Variants in NETO1 observed in about 807,000 individuals in gnomAD.
The protein encoded by NETO1 is neuropilin and tolloid like 1.
Under a neutral mutation model 61.3 loss-of-function variants are expected in NETO1, and 26 were observed. The ratio of observed to expected loss-of-function variants is 0.42; its 90% CI spans 0.31 to 0.59. The LOEUF (loss-of-function observed/expected upper bound fraction) is 0.59, where lower values mean the gene tolerates loss of function less well. NETO1 is among the 20% of genes least tolerant of loss of function. The pLI, the probability that NETO1 is intolerant of heterozygous loss-of-function variation, is 0.12. For missense variants in NETO1, 531 were observed against 662.8 expected, an observed-to-expected ratio of 0.80 and a Z score of 2.18; for synonymous variants, 225 against 225.8, an observed-to-expected ratio of 1.00 and a Z score of 0.03.
At chr18:72,795,170 G>C (rs958229374) in intron 4 of NETO1, among the ~76,000 whole-genome samples, 8 of 152,142 alleles carry the variant, frequency 5.3e-5, no homozygotes, top group African/African-American at 1.7e-4. Flanking sequence ...AGGCAAAGTG[G>C]GGGTCTCGTT....
chr18:72,787,846 A>T (rs1315662943), intron 6 of NETO1, among the ~76,000 whole-genome samples: 3 of 152,208 alleles, frequency 2.0e-5, no homozygotes, highest in Admixed American at 6.5e-5. Flanking sequence ...GCCCAGAAAG[A>T]AAGTTATATT....
chr18:72,853,712 G>A (rs1174992931), intron 4 of NETO1, among the ~76,000 whole-genome samples: 5 of 146,744 alleles, frequency 3.4e-5, no homozygotes, highest in South Asian at 2.1e-4. Context: ...AGCCAAGATC[G>A]CACCACTGCA....
At position 72,756,047 on chromosome 18, in the gene NETO1, T is replaced by C. The variant is rs1466960178; in HGVS notation, c.969A>G (p.Glu323=). The change falls in exon 8 of 11, where the codon GAA becomes GAG. Residue 323 remains glutamate (E), a synonymous_variant. Coordinates refer to ENST00000327305, the MANE Select transcript of NETO1 (RefSeq NM_138966.5). The part of the protein sequence containing the change: ...GLQNCVYPWD[E]NHCKEKRKTS... ...ACTAATCATTACCTTTACAGTGATT[T>C]TCATCCCAAGGATACACACAGTTCT... 6.3e-7 allele frequency: 1 copy of C among 1,596,796 alleles called. No individual in the cohort carries two copies. The highest frequency in any genetic ancestry group is 1.3e-5 in the African/African-American group (1 of 74,624).
At chr18:72,766,293 C>T (rs974593765) in intron 7 of NETO1, among the ~76,000 whole-genome samples, 19 of 150,568 alleles carry the variant, frequency 1.3e-4, no homozygotes, top group Admixed American at 9.3e-4. Flanking sequence ...TGGTACTCTA[C>T]ACAAACAAAA....
chr18:72,832,436 T>A (rs541577010), intron 4 of NETO1, among the ~76,000 whole-genome samples: 9 of 152,200 alleles, frequency 5.9e-5, no homozygotes, highest in Non-Finnish European at 1.3e-4. Flanking sequence ...ACCCTTCAGA[T>A]TTTATTTACC....
chr18:72,840,860 G>A (rs1321310416), intron 4 of NETO1, among the ~76,000 whole-genome samples: 1 of 152,190 alleles, frequency 6.6e-6, no homozygotes, highest in African/African-American at 2.4e-5. Flanking sequence ...TACACACTAA[G>A]CAGAACAGGT....
chr18:72,849,296 C>T (rs1599150324), intron 4 of NETO1, among the ~76,000 whole-genome samples: 1 of 152,200 alleles, frequency 6.6e-6, no homozygotes, highest in Non-Finnish European at 1.5e-5. Context: ...TTCAACATAA[C>T]AGATATACCC....
At chr18:72,752,381 G>A (rs528316724) in intron 8 of NETO1, among the ~76,000 whole-genome samples, 1 of 152,190 alleles carries the variant, frequency 6.6e-6, no homozygotes, top group Admixed American at 6.5e-5. Context: ...AACAGGAAAT[G>A]AGAGAGGCAC....
intron 7 of NETO1, among the ~76,000 whole-genome samples, chr18:72,775,331 AT>A (rs1401465054): frequency 1.3e-5 from 2 of 152,192 alleles, no homozygotes; most frequent in South Asian, 4.1e-4. Flanking sequence ...CGTCTGCTGA[AT>A]TTTTTAGTAA....
At chr18:72,835,331 G>A (rs1250461682) in intron 4 of NETO1, 1 of 1,595,258 alleles carries the variant, frequency 6.3e-7, no homozygotes, top group Admixed American at 1.7e-5. Flanking sequence ...TGGAGGCAAA[G>A]AGGTAATTAA....
At chr18:72,795,061 G>A (rs765944335) in intron 4 of NETO1, among the ~76,000 whole-genome samples, 5 of 152,082 alleles carry the variant, frequency 3.3e-5, no homozygotes, top group Non-Finnish European at 5.9e-5. Context: ...TGTCTTCCTC[G>A]CAGTCAAGCC....
chr18:72,803,737 C>T (rs2072582854), intron 4 of NETO1, among the ~76,000 whole-genome samples: 1 of 151,778 alleles, frequency 6.6e-6, no homozygotes, highest in African/African-American at 2.4e-5. Flanking sequence ...AGGATAATTG[C>T]TTGAACCCGG....
chr18:72,794,149 T>C lies in NETO1; in HGVS notation c.607A>G (p.Lys203Glu). Residue 203 changes from lysine to glutamate, a missense_variant, in exon 6 of 11, where the codon AAG becomes GAG. Lys to Glu is a moderately conservative substitution (Grantham distance 56). Coordinates refer to ENST00000327305, the MANE Select transcript of NETO1 (RefSeq NM_138966.5). ...CGTGGAGGTGCTCGGATGTACCACT[T>C]GCAATCAACAGCCTCGCTAGCAGTA... The part of the protein sequence containing the change: ...KATASEAVDC[K>E]WYIRAPPRSK... 6.2e-7 allele frequency: 1 copy of C among 1,614,210 alleles called. No homozygotes were observed. The highest frequency in any genetic ancestry group is 8.5e-7 in the Non-Finnish European group (1 of 1,180,034).
chr18:72,846,106 A>G (rs1017351681), intron 4 of NETO1, among the ~76,000 whole-genome samples: 2 of 151,898 alleles, frequency 1.3e-5, no homozygotes, highest in Non-Finnish European at 2.9e-5. Context: ...AGCAAACCAA[A>G]AAAATAAAGA....
In NETO1 at chr18:72,750,626, G is replaced by A. The variant is rs761037845; in HGVS notation, c.983-6C>T. On this transcript the variant is annotated splice_polypyrimidine_tract_variant and splice_region_variant and intron_variant, in intron 8 of 10. Coordinates refer to ENST00000327305, the MANE Select transcript of NETO1 (RefSeq NM_138966.5). ...CAGGCTGGTTTTCCTCTTCTCTATA[G>A]GTTGGAGAGAGTGAAAACAACAAAC... The A allele has an allele frequency of 4.4e-6, 7 of 1,580,132 alleles. No homozygotes were observed. The highest frequency in any genetic ancestry group is 6.0e-6 in the Non-Finnish European group (7 of 1,163,938).
Position 72,750,556 on chromosome 18 carries a change from A to T in NETO1, c.1047T>A (p.Thr349=). Residue 349 remains threonine, a synonymous_variant, in exon 9 of 11, where the codon ACT becomes ACA. Transcript: ENST00000327305. ...TAATGAGGATGATCACGATGCAGGA[A>T]GTCACGCCAATGACAGTCCCACTGG... is the stretch of plus-strand genomic sequence containing the variant. ...TNTSGTVIGV[T]SCIVIILIII... 6.2e-7 allele frequency: 1 copy of T among 1,613,266 alleles called. No individual in the cohort carries two copies. Among genetic ancestry groups the T allele is most frequent in the Non-Finnish European group, 8.5e-7 (1 of 1,179,972 alleles).
intron 7 of NETO1, among the ~76,000 whole-genome samples, chr18:72,768,868 C>A (rs999978752): frequency 4.6e-5 from 7 of 152,208 alleles, no homozygotes; most frequent in Admixed American, 4.6e-4. Flanking sequence ...GGAATCCGCA[C>A]TCCAGAAGTG....
intron 4 of NETO1, among the ~76,000 whole-genome samples, chr18:72,799,932 T>G (rs2072451349): frequency 6.6e-6 from 1 of 152,352 alleles, no homozygotes; most frequent in African/African-American, 2.4e-5. Context: ...ATCTGTCACT[T>G]CAGGGGAGAA....
intron 4 of NETO1, chr18:72,834,973 A>G: frequency 1.2e-6 from 1 of 810,050 alleles, no homozygotes; most frequent in Non-Finnish European, 1.5e-6. Flanking sequence ...AATTTAACAC[A>G]ATATTACATA....
Sources: gnomAD v4.1 joint callset for allele counts (sites outside exome capture counted in the v4.1 genomes callset) on GRCh38, gnomAD v4.1.1 for gene constraint, MANE v1.5 for transcripts, NCBI Gene and HGNC (gene_info 2026-07-23, HGNC 2026-07-21) for gene names.